MEF2C: variants seen among roughly 807,000 people sequenced by gnomAD.
MEF2C encodes the protein myocyte-specific enhancer factor 2C.
In MEF2C, 6 loss-of-function variants were observed where a neutral mutation model predicts 50.5. The ratio of observed to expected loss-of-function variants is 0.12; its 90% confidence interval spans 0.07 to 0.23. MEF2C has a LOEUF of 0.23. Among genes scored for constraint, MEF2C ranks in the 10% least tolerant of loss-of-function variants. MEF2C has a pLI of 1.00. For missense variants in MEF2C, 276 were observed against 605.0 expected (o/e 0.46, Z 5.70); for synonymous variants, 183 against 228.0 (o/e 0.80, Z 1.78).
intron 1 of MEF2C, among the ~76,000 whole-genome samples, chr5:88,835,473 T>C (rs549738842): frequency 5.7e-4 from 87 of 152,246 alleles, no homozygotes; most frequent in Non-Finnish European, 2.2e-4. Flanking sequence ...TTGGAATGAA[T>C]AGACAAATTG....
intron 2 of MEF2C, among the ~76,000 whole-genome samples, chr5:88,819,917 G>A (rs898683623): frequency 7.2e-5 from 11 of 151,938 alleles, no homozygotes; most frequent in African/African-American, 2.7e-4. Flanking sequence ...AGGAAAGCTC[G>A]CTGAACCCCT....
At chr5:88,828,848 T>A (rs567930327) in intron 1 of MEF2C, among the ~76,000 whole-genome samples, 4 of 152,000 alleles carry the variant, frequency 2.6e-5, no homozygotes, top group Non-Finnish European at 5.9e-5. Flanking sequence ...GATGCTCGAC[T>A]GCGTGATGTC....
chr5:88,782,776 G>T (rs1481477677), intron 3 of MEF2C, among the ~76,000 whole-genome samples: 1 of 152,148 alleles, frequency 6.6e-6, no homozygotes, highest in Admixed American at 6.6e-5. Flanking sequence ...TTTTCCAGCG[G>T]AACCTCTCTC....
At chr5:88,831,033 T>TA (rs1307587116) in intron 1 of MEF2C, among the ~76,000 whole-genome samples, 1 of 152,120 alleles carries the variant, frequency 6.6e-6, no homozygotes, top group East Asian at 1.9e-4. Flanking sequence ...GCTATTATGA[T>TA]AAAAACATCT....
chr5:88,755,320 G>A (rs555694599), intron 4 of MEF2C, among the ~76,000 whole-genome samples: 1 of 152,242 alleles, frequency 6.6e-6, no homozygotes, highest in Non-Finnish European at 1.5e-5. Flanking sequence ...CTTGACCATA[G>A]ATATAATTCT....
intron 3 of MEF2C, among the ~76,000 whole-genome samples, chr5:88,774,435 G>A (rs1014026706): frequency 3.3e-5 from 5 of 149,916 alleles, no homozygotes; most frequent in Admixed American, 1.3e-4. Flanking sequence ...CCATTCTCCC[G>A]CCTCAGCTTC....
intron 1 of MEF2C, among the ~76,000 whole-genome samples, chr5:88,845,351 T>G (rs775888289): frequency 1.3e-5 from 2 of 152,228 alleles, no homozygotes; most frequent in African/African-American, 2.4e-5. Flanking sequence ...CACTGTTCAT[T>G]TCCTGCATTG....
chr5:88,767,135 G>A (rs1780392318), intron 3 of MEF2C, among the ~76,000 whole-genome samples: 1 of 152,208 alleles, frequency 6.6e-6, no homozygotes. Flanking sequence ...ACTGTGCCCA[G>A]TGCCTTACTT....
At chr5:88,738,348 G>T (rs1334766663) in intron 6 of MEF2C, 6 of 985,154 alleles carry the variant, frequency 6.1e-6, no homozygotes, top group Admixed American at 6.2e-5. Flanking sequence ...CACATTAACT[G>T]CTCAGAAGAG....
intron 1 of MEF2C, chr5:88,826,902 C>T (rs1811105196): frequency 1.5e-5 from 2 of 131,424 alleles, no homozygotes; most frequent in South Asian, 4.3e-4. Flanking sequence ...TAAATAATCA[C>T]TAATTTAAAA....
intron 3 of MEF2C, among the ~76,000 whole-genome samples, chr5:88,802,819 G>T (rs1448420914): frequency 6.6e-6 from 1 of 152,154 alleles, no homozygotes; most frequent in Non-Finnish European, 1.5e-5. Flanking sequence ...GAAGATGAAT[G>T]TTCTAGGTTT....
chr5:88,803,098 A>G (rs1799023855), intron 3 of MEF2C, among the ~76,000 whole-genome samples: 1 of 152,238 alleles, frequency 6.6e-6, no homozygotes. Context: ...ATATTTTTGT[A>G]CTTTCATATT....
Position 88,809,107 on chromosome 5 carries a change from C to T in MEF2C, c.55-4306G>A, listed in dbSNP as rs143551389. On this transcript the variant is annotated intron_variant, in intron 2 of 10. Transcript: ENST00000504921. ...ATGTTTTTCCTTTATATTTTTGAAT[C>T]TTTAAATAGCCCCAAATGTGATGAT... 2.0e-5 allele frequency among the ~76,000 whole-genome samples: 3 copies of T among 152,102 alleles called. No homozygotes were observed. In the East Asian group the frequency reaches 5.8e-4, roughly 29 times the overall value.
At chr5:88,795,123 C>T (rs181544147) in intron 3 of MEF2C, among the ~76,000 whole-genome samples, 2 of 152,136 alleles carry the variant, frequency 1.3e-5, no homozygotes, top group South Asian at 2.1e-4. Flanking sequence ...CTTGGCTATA[C>T]GGGCTCTTTT....
At chr5:88,847,185 T>G (rs898130410) in intron 1 of MEF2C, among the ~76,000 whole-genome samples, 2 of 152,190 alleles carry the variant, frequency 1.3e-5, no homozygotes, top group Non-Finnish European at 2.9e-5. Flanking sequence ...GGCTTTTGAA[T>G]ACATCTACTG....
intron 5 of MEF2C, among the ~76,000 whole-genome samples, chr5:88,750,832 G>C (rs1183052826): frequency 6.6e-6 from 1 of 152,108 alleles, no homozygotes; most frequent in East Asian, 1.9e-4. Context: ...GGTTTTAATT[G>C]TAAGGCAGAT....
intron 7 of MEF2C, chr5:88,731,449 T>G (rs1761547234): frequency 3.3e-6 from 1 of 303,224 alleles, no homozygotes; most frequent in Non-Finnish European, 6.2e-6. Context: ...TTTTTCCAAC[T>G]ATAAATTGAA....
chr5:88,800,775 T>C (rs1467034484), intron 3 of MEF2C, among the ~76,000 whole-genome samples: 1 of 152,200 alleles, frequency 6.6e-6, no homozygotes, highest in Non-Finnish European at 1.5e-5. Flanking sequence ...TAAAATGGAC[T>C]TCCTTCAAAG....
intron 1 of MEF2C, among the ~76,000 whole-genome samples, chr5:88,869,553 C>G (rs1275961489): frequency 6.6e-6 from 1 of 151,148 alleles, no homozygotes; most frequent in Non-Finnish European, 1.5e-5. Context: ...TAAATATGTC[C>G]ATTATCTATC....
Sources: gnomAD v4.1 joint callset for allele counts (sites outside exome capture counted in the v4.1 genomes callset) on GRCh38, gnomAD v4.1.1 for gene constraint, MANE v1.5 for transcripts, NCBI Gene and HGNC (gene_info 2026-07-23, HGNC 2026-07-21) for gene names.